Variants in FOXP2 observed in about 807,000 individuals in gnomAD.
The protein encoded by FOXP2 is forkhead box P2, also known as forkhead box protein P2.
In FOXP2, 12 loss-of-function variants were observed where a neutral mutation model predicts 115.8. The ratio of observed to expected loss-of-function variants is 0.10; its 90% CI spans 0.07 to 0.17. The LOEUF (loss-of-function observed/expected upper bound fraction) is 0.17, where lower values mean the gene tolerates loss of function less well. Ranked by LOEUF, FOXP2 falls within the 10% of genes least tolerant of loss-of-function variation. FOXP2 has a pLI of 1.00. For missense variants in FOXP2, 629 were observed against 843.5 expected, an observed-to-expected ratio of 0.75 and a Z score of 3.15; for synonymous variants, 328 against 297.7, an observed-to-expected ratio of 1.10 and a Z score of -1.05.
At chr7:114,224,184 C>A (rs137926012) in intron 1 of FOXP2, among the ~76,000 whole-genome samples, 1 of 152,076 alleles carries the variant, frequency 6.6e-6, no homozygotes, top group Admixed American at 6.6e-5. Context: ...CTTTGAACCT[C>A]GCTATCTTAA....
intron 2 of FOXP2, among the ~76,000 whole-genome samples, chr7:114,438,830 C>T (rs1794467381): frequency 6.6e-6 from 1 of 152,092 alleles, no homozygotes; most frequent in Non-Finnish European, 1.5e-5. Flanking sequence ...AAATATAATA[C>T]TTAACCTCAA....
At chr7:114,644,012 G>A (rs1476461974) in intron 7 of FOXP2, among the ~76,000 whole-genome samples, 1 of 152,048 alleles carries the variant, frequency 6.6e-6, no homozygotes, top group East Asian at 1.9e-4. Flanking sequence ...TTCTTGTTTG[G>A]TTTTATTAGT....
intron 2 of FOXP2, among the ~76,000 whole-genome samples, chr7:114,289,159 T>C (rs991679827): frequency 7.2e-5 from 11 of 151,840 alleles, no homozygotes; most frequent in African/African-American, 2.7e-4. Flanking sequence ...GTTCATTTCT[T>C]ACCAGTTTTA....
At chr7:114,378,684 C>CAAAAAAAAAAAAAAAAAAAAAAAAAAA (rs398005920) in intron 2 of FOXP2, among the ~76,000 whole-genome samples, 1 of 18,092 alleles carries the variant, frequency 5.5e-5, no homozygotes, top group African/African-American at 1.9e-4. Flanking sequence ...ACCCTGTCTC[C>CAAAAAAAAAAAAAAAAAAAAAAAAAAA]AAAAAAAAAA....
intron 1 of FOXP2, among the ~76,000 whole-genome samples, chr7:114,104,126 G>A (rs148110711): frequency 6.6e-6 from 1 of 151,878 alleles, no homozygotes; most frequent in East Asian, 1.9e-4. Flanking sequence ...TGGTGTACTT[G>A]TTGCTTTACC....
Position 114,387,213 on chromosome 7 carries a change from C to T in FOXP2, c.-10-39289C>T, listed in dbSNP as rs528872886. Among the ~76,000 whole-genome samples, 4 of 152,218 alleles carry T rather than the reference C, an allele frequency of 2.6e-5. No homozygotes were observed. In the South Asian group the frequency reaches 6.2e-4, roughly 24 times the overall value. ...TTTATTTTATGAAAATTATTGTTCA[C>T]TTGGATTTTGATAACACCTGTATTT... is the stretch of plus-strand genomic sequence containing the variant. On this transcript the variant is annotated intron_variant, in intron 2 of 17. Transcript: ENST00000634411.
At chr7:114,442,607 G>A (rs1245376681) in intron 2 of FOXP2, among the ~76,000 whole-genome samples, 1 of 151,972 alleles carries the variant, frequency 6.6e-6, no homozygotes, top group Non-Finnish European at 1.5e-5. Flanking sequence ...ACAGGCACAT[G>A]CCATCATGCC....
intron 2 of FOXP2, among the ~76,000 whole-genome samples, chr7:114,304,685 A>C (rs1327349674): frequency 6.7e-6 from 1 of 149,942 alleles, no homozygotes; most frequent in African/African-American, 2.5e-5. Context: ...AAAAAAAAAA[A>C]AAAAAAAAAA....
At chr7:114,413,600 C>T (rs564889563), upstream of FOXP2, among the ~76,000 whole-genome samples, 1 of 152,074 alleles carries the variant, frequency 6.6e-6, no homozygotes, top group South Asian at 2.1e-4. Flanking sequence ...GCTTTCAGTT[C>T]CTTTCAGGGG....
intron 2 of FOXP2, among the ~76,000 whole-genome samples, chr7:114,467,986 C>T (rs1318986741): frequency 6.6e-6 from 1 of 152,052 alleles, no homozygotes; most frequent in Non-Finnish European, 1.5e-5. Context: ...AGGCATTGTC[C>T]TCAGTCTACT....
At chr7:114,342,608 C>T (rs1422553516) in intron 2 of FOXP2, among the ~76,000 whole-genome samples, 2 of 151,334 alleles carry the variant, frequency 1.3e-5, no homozygotes, top group African/African-American at 4.8e-5. Flanking sequence ...GTTTCAGATT[C>T]GAAAGAGCTT....
chr7:114,634,713 T>C (rs559028138), intron 6 of FOXP2, among the ~76,000 whole-genome samples: 26 of 152,132 alleles, frequency 1.7e-4, no homozygotes, highest in African/African-American at 6.3e-4. Context: ...TGATTATAAA[T>C]CTATGTAATA....
intron 2 of FOXP2, among the ~76,000 whole-genome samples, chr7:114,440,387 A>G (rs1304207515): frequency 2.0e-5 from 3 of 152,226 alleles, no homozygotes; most frequent in Non-Finnish European, 4.4e-5. Context: ...ACTATAATGT[A>G]TGAGTGAAAA....
At position 114,691,587 on chromosome 7, in the gene FOXP2, A is replaced by T. The variant is rs1416436408; in HGVS notation, c.*1661A>T. ...ATGTAGTTGAAAATAGCATAGTCAG[A>T]TGTTTGCTTAAAACCTAGAAACTTA... On this transcript the variant is annotated 3_prime_UTR_variant, in exon 17 of 17. Transcript: ENST00000350908. The T allele has an allele frequency of 4.4e-6, 2 of 453,908 alleles. No individual in the cohort carries two copies. Among genetic ancestry groups the T allele is most frequent in the South Asian group, 3.1e-5 (2 of 64,482 alleles). 28.1% of individuals were successfully genotyped at this position (453,908 alleles called of 1,614,324 possible).
At chr7:114,334,915 T>TTATATATATAGAAATCTATATATATA in intron 2 of FOXP2, among the ~76,000 whole-genome samples, 1 of 133,086 alleles carries the variant, frequency 7.5e-6, no homozygotes, top group Non-Finnish European at 1.6e-5. Flanking sequence ...TATATATATT[T>TTATATATATAGAAATCTATATATATA]TATATATATA....
At chr7:114,212,075 T>TAAATAAAATAAAATA (rs10607299) in intron 1 of FOXP2, among the ~76,000 whole-genome samples, 178 of 134,642 alleles carry the variant, frequency 1.3e-3, no homozygotes, top group African/African-American at 4.0e-3. Context: ...GTTTCAAAAA[T>TAAATAAAATAAAATA]AAATAAAATA....
At chr7:114,363,910 A>T in intron 2 of FOXP2, among the ~76,000 whole-genome samples, 1 of 152,138 alleles carries the variant, frequency 6.6e-6, no homozygotes, top group East Asian at 1.9e-4. Context: ...TATAAGAGAT[A>T]TTTGCTTGTA....
At chr7:114,449,958 A>G (rs1795000248) in intron 2 of FOXP2, among the ~76,000 whole-genome samples, 1 of 152,124 alleles carries the variant, frequency 6.6e-6, no homozygotes, top group South Asian at 2.1e-4. Flanking sequence ...AATCATACAT[A>G]TACATGACAT....
intron 1 of FOXP2, among the ~76,000 whole-genome samples, chr7:114,421,948 A>G: frequency 6.6e-6 from 1 of 151,788 alleles, no homozygotes; most frequent in African/African-American, 2.4e-5. Context: ...AGTTTTCAAA[A>G]TTAGAACTTA....
Sources: allele counts gnomAD v4.1 joint callset (sites outside exome capture counted in the v4.1 genomes callset), GRCh38; gene constraint gnomAD v4.1.1; transcripts MANE v1.5; gene names NCBI Gene and HGNC (gene_info 2026-07-23, HGNC 2026-07-21).